The following CREB5 variants were observed in gnomAD, a reference collection of about 807,000 sequenced individuals.
The protein encoded by CREB5 is cyclic AMP-responsive element-binding protein 5.
CREB5 carries 19 observed loss-of-function variants against 57.1 expected under a neutral mutation model. That is an observed-to-expected ratio of 0.33 (90% confidence interval 0.23 to 0.49). The LOEUF (loss-of-function observed/expected upper bound fraction) is 0.49, where lower values mean the gene tolerates loss of function less well. Among genes scored for constraint, CREB5 ranks in the 20% least tolerant of loss-of-function variants. The pLI is 0.99. For synonymous variants in CREB5, 238 were observed against 238.3 expected, an observed-to-expected ratio of 1.00 and a Z score of 0.01; for missense variants, 579 against 671.6, an observed-to-expected ratio of 0.86 and a Z score of 1.52.
chr7:28,537,379 C>CTT (rs34698198), intron 4 of CREB5, among the ~76,000 whole-genome samples: 18,122 of 149,504 alleles, frequency 0.12, 1,187 homozygotes, highest in East Asian at 0.25. Flanking sequence ...CACTTAAAGC[C>CTT]TTTTTTTTTT....
At chr7:28,446,161 T>C (rs939385759) in intron 1 of CREB5, among the ~76,000 whole-genome samples, 8 of 152,104 alleles carry the variant, frequency 5.3e-5, no homozygotes, top group Non-Finnish European at 1.0e-4. Context: ...CTGCCCACTG[T>C]TTCCTTGTTG....
chr7:28,537,341 A>G (rs1794004517), intron 4 of CREB5, among the ~76,000 whole-genome samples: 1 of 151,730 alleles, frequency 6.6e-6, no homozygotes, highest in Non-Finnish European at 1.5e-5. Context: ...CTTTACCACC[A>G]AAACACAAAA....
intron 5 of CREB5, among the ~76,000 whole-genome samples, chr7:28,592,384 C>T (rs1247593365): frequency 6.6e-6 from 1 of 152,204 alleles, no homozygotes; most frequent in African/African-American, 2.4e-5. Flanking sequence ...CCGGTATCTC[C>T]ATTTTCAACT....
At chr7:28,315,545 C>T (rs1397239992) in intron 1 of CREB5, among the ~76,000 whole-genome samples, 1 of 152,238 alleles carries the variant, frequency 6.6e-6, no homozygotes, top group Non-Finnish European at 1.5e-5. Flanking sequence ...GGACTCTGTT[C>T]TCCAACAACA....
intron 5 of CREB5, among the ~76,000 whole-genome samples, chr7:28,699,984 T>C (rs1237446108): frequency 6.6e-6 from 1 of 152,214 alleles, no homozygotes; most frequent in Non-Finnish European, 1.5e-5. Flanking sequence ...CATTTTTATA[T>C]GTATATAGTT....
chr7:28,645,492 A>T (rs1487820948), intron 5 of CREB5, among the ~76,000 whole-genome samples: 1 of 152,234 alleles, frequency 6.6e-6, no homozygotes, highest in South Asian at 2.1e-4. Context: ...TGTGTTGTGC[A>T]TACACAGGAC....
At chr7:28,468,025 A>C (rs571572158) in intron 1 of CREB5, among the ~76,000 whole-genome samples, 1 of 152,318 alleles carries the variant, frequency 6.6e-6, no homozygotes, top group South Asian at 2.1e-4. Flanking sequence ...CCAAGAGCAG[A>C]TCCAGAACAC....
Position 28,747,317 on chromosome 7 carries a change from T to C in CREB5, c.702+22985T>C, listed in dbSNP as rs1203371564. ...CTGTATTTAAATCTTCTCAGCATCA[T>C]CACTTCTGTAATAGTTGATAAATGT... On this transcript the variant is annotated intron_variant, in intron 7 of 10. Coordinates refer to ENST00000357727, the MANE Select transcript of CREB5 (RefSeq NM_182898.4). Among the ~76,000 whole-genome samples, 3 of 152,226 alleles carry C rather than the reference T, an allele frequency of 2.0e-5. 1 individual carries two copies. The highest frequency in any genetic ancestry group is 4.1e-4 in the South Asian group (2 of 4,834).
At chr7:28,783,406 A>G (rs1405737590) in intron 7 of CREB5, among the ~76,000 whole-genome samples, 1 of 152,184 alleles carries the variant, frequency 6.6e-6, no homozygotes, top group East Asian at 1.9e-4. Context: ...CTGCATGACA[A>G]TTAGTATTAT....
chr7:28,751,046 G>A (rs1231011812), intron 7 of CREB5, among the ~76,000 whole-genome samples: 1 of 152,108 alleles, frequency 6.6e-6, no homozygotes, highest in East Asian at 1.9e-4. Context: ...ATCGCTGGGT[G>A]AAAGGTTTCC....
intron 4 of CREB5, among the ~76,000 whole-genome samples, chr7:28,528,056 C>G (rs554343796): frequency 8.5e-4 from 130 of 152,308 alleles, no homozygotes; most frequent in African/African-American, 3.1e-3. Context: ...AGCAAATTGC[C>G]TTGCACATAG....
chr7:28,552,271 C>T (rs1236946411), intron 4 of CREB5, among the ~76,000 whole-genome samples: 1 of 152,168 alleles, frequency 6.6e-6, no homozygotes, highest in African/African-American at 2.4e-5. Flanking sequence ...CTCCTGAGCT[C>T]GAGCAATCCA....
chr7:28,453,958 C>CTTTTTTTTTTTTTTTT lies in CREB5; in HGVS notation c.4-34204_4-34203insTTTTTTTTTTTTTTTT, dbSNP rs70977045. Among the ~76,000 whole-genome samples the CTTTTTTTTTTTTTTTT allele has an allele frequency of 1.4e-4, 19 of 132,560 alleles. 2 individuals are homozygous for CTTTTTTTTTTTTTTTT. The highest frequency in any genetic ancestry group is 1.3e-4 in the Non-Finnish European group (8 of 62,408). 87.0% of individuals were successfully genotyped at this position (132,560 alleles called of 152,430 possible). A position where few individuals can be genotyped will look rare whatever the true frequency, so the allele number is the denominator to read the frequency against. On this transcript the variant is annotated intron_variant, in intron 1 of 10. Transcript: ENST00000357727. The stretch of plus-strand genomic sequence containing the variant: ...AACTGAAAGAGACTCCTCTCCAATT[C>CTTTTTTTTTTTTTTTT]TTTTTTTTTTTTTGAGATGGAGTCT...
chr7:28,344,792 T>G (rs1786008147), intron 1 of CREB5, among the ~76,000 whole-genome samples: 1 of 151,582 alleles, frequency 6.6e-6, no homozygotes, highest in Non-Finnish European at 1.5e-5. Flanking sequence ...AGAACACAAA[T>G]GGACTGAAAG....
chr7:28,453,063 G>T (rs1366233480), intron 1 of CREB5, among the ~76,000 whole-genome samples: 2 of 152,176 alleles, frequency 1.3e-5, no homozygotes, highest in African/African-American at 2.4e-5. Flanking sequence ...TCTCTGGAAG[G>T]TTCTAAATTA....
chr7:28,734,440 T>C (rs144764020), intron 7 of CREB5, among the ~76,000 whole-genome samples: 1 of 152,130 alleles, frequency 6.6e-6, no homozygotes. Flanking sequence ...TTAAAAATGT[T>C]ATGAGTATTT....
At chr7:28,316,085 G>A (rs35655635) in intron 1 of CREB5, among the ~76,000 whole-genome samples, 55,290 of 152,104 alleles carry the variant, frequency 0.36, 11,272 homozygotes, top group African/African-American at 0.54. Context: ...AAAACAGGCC[G>A]GGGAAATGTG....
chr7:28,486,032 G>C lies in CREB5; in HGVS notation c.4-2143G>C, dbSNP rs7789473. 7.9e-3 allele frequency among the ~76,000 whole-genome samples: 1,204 copies of C among 152,234 alleles called. 20 individuals carry two copies. The highest frequency in any genetic ancestry group is 0.027 in the African/African-American group (1,119 of 41,538). On this transcript the variant is annotated intron_variant, in intron 1 of 10. Coordinates refer to ENST00000357727, the MANE Select transcript of CREB5 (RefSeq NM_182898.4). ...TAAATATAAGACAGTAAAGGATTTT[G>C]AACAATATGCTTAATACAGGAAAGC...
intron 4 of CREB5, among the ~76,000 whole-genome samples, chr7:28,564,786 G>A (rs961404051): frequency 3.3e-5 from 5 of 152,216 alleles, no homozygotes; most frequent in African/African-American, 1.2e-4. Flanking sequence ...ATCCCTTGGG[G>A]TTTGGCAGAA....
Sources: gnomAD v4.1 joint callset for allele counts (sites outside exome capture counted in the v4.1 genomes callset) on GRCh38, gnomAD v4.1.1 for gene constraint, MANE v1.5 for transcripts, NCBI Gene and HGNC (gene_info 2026-07-23, HGNC 2026-07-21) for gene names.